UGGT2: variants seen among roughly 807,000 people sequenced by gnomAD.
UGGT2 encodes the protein UDP-glucose:glycoprotein glucosyltransferase 2.
Under a neutral mutation model 192.1 loss-of-function variants are expected in UGGT2, and 180 were observed. The ratio of observed to expected loss-of-function variants is 0.94; its 90% CI spans 0.83 to 1.06. The LOEUF (loss-of-function observed/expected upper bound fraction) is 1.06, where lower values mean the gene tolerates loss of function less well. Ranked by LOEUF, UGGT2 falls within the 50% of genes least tolerant of loss-of-function variation. UGGT2 has a pLI of 0.00. For synonymous variants in UGGT2, 580 were observed against 591.0 expected (o/e 0.98, Z 0.27); for missense variants, 1,849 against 1,795.7 (o/e 1.03, Z -0.54).
intron 29 of UGGT2, among the ~76,000 whole-genome samples, chr13:95,874,245 C>T (rs1337038249): frequency 1.3e-5 from 2 of 152,098 alleles, no homozygotes; most frequent in Non-Finnish European, 2.9e-5. Context: ...GGTATAGGTT[C>T]GAAGACATCC....
At chr13:95,995,821 T>C in intron 7 of UGGT2, 1 of 466,252 alleles carries the variant, frequency 2.1e-6, no homozygotes, top group South Asian at 2.3e-5. Context: ...CACCAAAACA[T>C]TATGAGTTAT....
chr13:95,996,777 A>G (rs1029804242), intron 6 of UGGT2, among the ~76,000 whole-genome samples: 4 of 152,194 alleles, frequency 2.6e-5, no homozygotes, highest in African/African-American at 9.7e-5. Flanking sequence ...GGAGGTCCAA[A>G]CCCTAAGTTT....
At chr13:95,979,542 C>G (rs2051046913) in intron 10 of UGGT2, among the ~76,000 whole-genome samples, 1 of 8,772 alleles carries the variant, frequency 1.1e-4, no homozygotes, top group South Asian at 4.6e-3. Flanking sequence ...CCCCTGGTCT[C>G]TTACGCAAAA....
At chr13:95,989,678 G>A (rs2051398515) in intron 8 of UGGT2, 1 of 274,026 alleles carries the variant, frequency 3.6e-6, no homozygotes, top group African/African-American at 2.2e-5. Flanking sequence ...ATCAGTTATA[G>A]TCTCCACAAA....
intron 10 of UGGT2, among the ~76,000 whole-genome samples, chr13:95,977,697 T>C (rs879882178): frequency 5.3e-5 from 8 of 152,200 alleles, no homozygotes; most frequent in Admixed American, 2.0e-4. Context: ...AGTGGGTATA[T>C]ACCCAAAGGA....
chr13:95,828,261 C>G (rs978435695), intron 38 of UGGT2, among the ~76,000 whole-genome samples: 1 of 152,082 alleles, frequency 6.6e-6, no homozygotes, highest in African/African-American at 2.4e-5. Context: ...ATGAAAAGAA[C>G]AAGCTAAGCA....
At chr13:95,901,001 G>A in intron 21 of UGGT2, 63 bp from the exon 22 acceptor site, 1 of 1,196,430 alleles carries the variant, frequency 8.4e-7, no homozygotes, top group South Asian at 3.1e-5. Flanking sequence ...AAATCATTTT[G>A]TTTAAAAAAC....
At chr13:95,860,947 A>G in intron 31 of UGGT2, 64 bp from the exon 32 acceptor site, 1 of 855,158 alleles carries the variant, frequency 1.2e-6, no homozygotes, top group Non-Finnish European at 1.7e-6. Flanking sequence ...ATGCCTAAAT[A>G]GTAAATATAA....
intron 8 of UGGT2, chr13:95,989,584 T>C (rs1234611609): frequency 7.4e-6 from 3 of 402,960 alleles, no homozygotes; most frequent in Non-Finnish European, 1.5e-5. Flanking sequence ...AAACATGCAA[T>C]AGTCTTAACA....
At chr13:95,953,364 A>G (rs1009737307) in intron 12 of UGGT2, among the ~76,000 whole-genome samples, 1 of 152,224 alleles carries the variant, frequency 6.6e-6, no homozygotes, top group Non-Finnish European at 1.5e-5. Context: ...CTGAAGGACA[A>G]ATGATGCTGA....
chr13:95,833,322 T>C (rs1477535949), intron 37 of UGGT2, among the ~76,000 whole-genome samples: 2 of 152,150 alleles, frequency 1.3e-5, no homozygotes, highest in Admixed American at 6.6e-5. Context: ...AAAAAAATTA[T>C]GTAAAACTTT....
intron 31 of UGGT2, among the ~76,000 whole-genome samples, chr13:95,861,458 C>T (rs1411286815): frequency 6.6e-6 from 1 of 152,026 alleles, no homozygotes; most frequent in African/African-American, 2.4e-5. Context: ...ACTAGGGAAC[C>T]ATGTCTACTT....
At chr13:96,032,060 T>A in intron 1 of UGGT2, 89 bp from the exon 2 acceptor site, 1 of 860,114 alleles carries the variant, frequency 1.2e-6, no homozygotes, top group Non-Finnish European at 1.8e-6. Context: ...AAATTATATC[T>A]ATGGCAAAAA....
chr13:95,983,881 TA>T lies in UGGT2; in HGVS notation c.1032-18del. ...GTTAGAGATCTGGAAAAATGAATAC[TA>T]ATATAATTGATCCTTCCTTAAATGT... On this transcript the variant is annotated intron_variant, in intron 9 of 38. Transcript: ENST00000376747. The T allele has an allele frequency of 2.0e-6, 3 of 1,488,876 alleles. No individual in the cohort carries two copies. The highest frequency in any genetic ancestry group is 2.7e-6 in the Non-Finnish European group (3 of 1,092,380). 92.2% of individuals were successfully genotyped at this position (1,488,876 alleles called of 1,614,324 possible).
intron 16 of UGGT2, among the ~76,000 whole-genome samples, chr13:95,937,570 A>G (rs2049507479): frequency 6.6e-6 from 1 of 152,212 alleles, no homozygotes; most frequent in Non-Finnish European, 1.5e-5. Flanking sequence ...CACCTGCATT[A>G]GGCTAGATAC....
At chr13:95,831,220 T>C (rs1424207892) in intron 38 of UGGT2, among the ~76,000 whole-genome samples, 1 of 152,096 alleles carries the variant, frequency 6.6e-6, no homozygotes. Flanking sequence ...GGCACATGTA[T>C]ACATATGTAA....
chr13:95,840,935 C>T (rs981831645), intron 36 of UGGT2, among the ~76,000 whole-genome samples: 1 of 152,112 alleles, frequency 6.6e-6, no homozygotes, highest in Non-Finnish European at 1.5e-5. Flanking sequence ...TCATCCTCAA[C>T]AAATTAACAC....
intron 38 of UGGT2, among the ~76,000 whole-genome samples, chr13:95,822,376 T>G (rs1250301949): frequency 6.6e-6 from 1 of 152,114 alleles, no homozygotes; most frequent in East Asian, 1.9e-4. Flanking sequence ...GCTACTGATT[T>G]GTGTGCAGTG....
At chr13:96,018,696 T>C (rs896571900) in intron 4 of UGGT2, among the ~76,000 whole-genome samples, 1 of 148,512 alleles carries the variant, frequency 6.7e-6, no homozygotes, top group East Asian at 2.0e-4. Flanking sequence ...GAATATCACA[T>C]AGTAAAGAAA....
Sources: allele counts gnomAD v4.1 joint callset (sites outside exome capture counted in the v4.1 genomes callset), GRCh38; gene constraint gnomAD v4.1.1; transcripts MANE v1.5; gene names NCBI Gene and HGNC (gene_info 2026-07-23, HGNC 2026-07-21).